The following UNC13C variants were observed in gnomAD, a reference collection of about 807,000 sequenced individuals.
The protein encoded by UNC13C is unc-13 homolog C, also known as protein unc-13 homolog C.
Under a neutral mutation model 245.4 loss-of-function variants are expected in UNC13C, and 174 were observed. That is an observed-to-expected ratio of 0.71 (90% CI 0.63 to 0.80). The LOEUF (loss-of-function observed/expected upper bound fraction) is 0.80, where lower values mean the gene tolerates loss of function less well. UNC13C is among the 30% of genes least tolerant of loss of function. The probability of loss-of-function intolerance (pLI) is 0.00; values close to 1 mark genes in which losing one functional copy is unlikely to be tolerated. For missense variants in UNC13C, 2,829 were observed against 2,602.9 expected (o/e 1.09, Z -1.89); for synonymous variants, 992 against 895.1 (o/e 1.11, Z -1.93).
At chr15:53,910,289 G>A in the UNC13C span, among the ~76,000 whole-genome samples, 2 of 145,500 alleles carry the variant, frequency 1.4e-5, no homozygotes, top group Non-Finnish European at 3.1e-5. Context: ...TTTTGTTAAT[G>A]TCAGGCTGTG....
At chr15:54,413,836 G>A (rs947973715) in intron 18 of UNC13C, among the ~76,000 whole-genome samples, 4 of 152,114 alleles carry the variant, frequency 2.6e-5, no homozygotes, top group African/African-American at 9.7e-5. Flanking sequence ...CCCCAAATGT[G>A]GATGAATGTG....
At chr15:54,216,053 T>C (rs2035029514) in intron 4 of UNC13C, among the ~76,000 whole-genome samples, 1 of 151,770 alleles carries the variant, frequency 6.6e-6, no homozygotes, top group Admixed American at 6.6e-5. Flanking sequence ...GATCCAAATA[T>C]AAAGATGCAA....
intron 1 of UNC13C, among the ~76,000 whole-genome samples, chr15:54,002,846 A>G (rs373281355): frequency 6.6e-6 from 1 of 152,224 alleles, no homozygotes; most frequent in African/African-American, 2.4e-5. Context: ...TGTTGGGCAC[A>G]GTGGGAAGGT....
At chr15:54,424,224 C>T (rs2040711271) in intron 19 of UNC13C, among the ~76,000 whole-genome samples, 1 of 151,770 alleles carries the variant, frequency 6.6e-6, no homozygotes, top group Admixed American at 6.6e-5. Flanking sequence ...ATAGCTGTGA[C>T]TATTTTTGTA....
chr15:54,389,092 C>T (rs968730224), intron 17 of UNC13C, among the ~76,000 whole-genome samples: 10 of 152,148 alleles, frequency 6.6e-5, no homozygotes, highest in African/African-American at 2.4e-4. Flanking sequence ...ACATGACACA[C>T]AAAACTTTTC....
At chr15:53,984,222 G>T (rs993790090) in intron 1 of UNC13C, among the ~76,000 whole-genome samples, 2 of 151,872 alleles carry the variant, frequency 1.3e-5, no homozygotes, top group African/African-American at 4.8e-5. Context: ...TTTACAACCA[G>T]ATCTGACTGC....
At chr15:54,569,863 G>A (rs537627144) in intron 30 of UNC13C, among the ~76,000 whole-genome samples, 19 of 151,276 alleles carry the variant, frequency 1.3e-4, no homozygotes, top group Middle Eastern at 3.4e-3. Context: ...AATTTTCTCC[G>A]TTAGCTACCT....
chr15:54,196,670 C>T (rs1190292284), intron 4 of UNC13C, among the ~76,000 whole-genome samples: 2 of 152,100 alleles, frequency 1.3e-5, no homozygotes, highest in Non-Finnish European at 2.9e-5. Flanking sequence ...TTTAACTTGA[C>T]TTGCAGTCAG....
intron 30 of UNC13C, among the ~76,000 whole-genome samples, chr15:54,568,965 G>C (rs1284110336): frequency 1.3e-5 from 2 of 152,072 alleles, no homozygotes; most frequent in African/African-American, 4.8e-5. Context: ...AGGTTATACT[G>C]TGGGATATTT....
intron 30 of UNC13C, among the ~76,000 whole-genome samples, chr15:54,599,292 T>G (rs1007502641): frequency 6.6e-6 from 1 of 152,118 alleles, no homozygotes; most frequent in Non-Finnish European, 1.5e-5. Flanking sequence ...GGACATTTTC[T>G]AATAAACATG....
chr15:54,400,527 T>C (rs2040159913), intron 18 of UNC13C, among the ~76,000 whole-genome samples: 2 of 152,234 alleles, frequency 1.3e-5, no homozygotes, highest in Middle Eastern at 3.4e-3. Flanking sequence ...TTCAGATTCA[T>C]TTTTTTAAGA....
intron 4 of UNC13C, among the ~76,000 whole-genome samples, chr15:54,170,002 T>C (rs1051525480): frequency 1.3e-4 from 10 of 74,850 alleles, no homozygotes; most frequent in Admixed American, 3.7e-4. Flanking sequence ...CTTTTTTTTT[T>C]TTTTTTAAAC....
At chr15:54,507,879 T>C (rs1205902406) in intron 23 of UNC13C, among the ~76,000 whole-genome samples, 2 of 151,342 alleles carry the variant, frequency 1.3e-5, no homozygotes, top group Admixed American at 1.3e-4. Flanking sequence ...AAAAAGTGAG[T>C]ATAGGGTTTT....
In UNC13C at chr15:54,431,738, A is replaced by G. The variant is rs1479187376; in HGVS notation, c.4933+16671A>G. Among the ~76,000 whole-genome samples the G allele has an allele frequency of 2.6e-5, 4 of 151,680 alleles. No individual in the cohort carries two copies. In the Admixed American group the frequency reaches 2.6e-4, roughly 10 times the overall value. The stretch of plus-strand genomic sequence containing the variant: ...ATGTGCAATAAGCACAAGCTCAGAG[A>G]ATTAGACCATATGGTCTCTGTAGCT... On this transcript the variant is annotated intron_variant, in intron 19 of 32. Transcript: ENST00000260323.
chr15:53,934,494 C>T, the UNC13C span, among the ~76,000 whole-genome samples: 1 of 152,102 alleles, frequency 6.6e-6, no homozygotes, highest in Non-Finnish European at 1.5e-5. Context: ...ATCTGAAAAT[C>T]AGAAGGTAAA....
At chr15:54,343,183 G>C (rs1191869627) in intron 17 of UNC13C, among the ~76,000 whole-genome samples, 1 of 149,752 alleles carries the variant, frequency 6.7e-6, no homozygotes, top group East Asian at 2.0e-4. Flanking sequence ...ACCCAGACTG[G>C]AGCGCAGTGG....
intron 24 of UNC13C, among the ~76,000 whole-genome samples, chr15:54,521,589 G>A (rs975557303): frequency 4.6e-5 from 7 of 152,114 alleles, no homozygotes; most frequent in Non-Finnish European, 1.0e-4. Flanking sequence ...AGACCTCTAG[G>A]GAAATAATCT....
the UNC13C span, among the ~76,000 whole-genome samples, chr15:53,906,517 G>T: frequency 6.6e-6 from 1 of 152,044 alleles, no homozygotes; most frequent in Non-Finnish European, 1.5e-5. Flanking sequence ...CTAATAAATG[G>T]CCCCTGTCTC....
chr15:54,613,117 T>TAA (rs986627307), intron 30 of UNC13C, among the ~76,000 whole-genome samples: 1 of 151,870 alleles, frequency 6.6e-6, no homozygotes, highest in East Asian at 1.9e-4. Context: ...TAGATCTATA[T>TAA]AAAAACAATT....
Sources: gnomAD v4.1 joint callset for allele counts (sites outside exome capture counted in the v4.1 genomes callset) on GRCh38, gnomAD v4.1.1 for gene constraint, MANE v1.5 for transcripts, NCBI Gene and HGNC (gene_info 2026-07-23, HGNC 2026-07-21) for gene names.